The following SUCLG2 variants were observed in gnomAD, a reference collection of about 807,000 sequenced individuals.
The protein encoded by SUCLG2 is succinate--CoA ligase [GDP-forming] subunit beta, mitochondrial.
SUCLG2 carries 42 observed loss-of-function variants against 47.9 expected under a neutral mutation model. The ratio of observed to expected loss-of-function variants is 0.88; its 90% CI spans 0.69 to 1.14. The LOEUF is 1.14. SUCLG2 is among the 50% of genes most tolerant of loss of function. SUCLG2 has a pLI of 0.00. For synonymous variants in SUCLG2, 195 were observed against 197.3 expected (o/e 0.99, Z 0.10); for missense variants, 571 against 525.9 (o/e 1.09, Z -0.84).
chr3:67,432,564 T>G (rs1215628852), intron 9 of SUCLG2, among the ~76,000 whole-genome samples: 1 of 152,234 alleles, frequency 6.6e-6, no homozygotes. Flanking sequence ...GAGCTTCCTT[T>G]TTCTTTACAC....
intron 1 of SUCLG2, among the ~76,000 whole-genome samples, chr3:67,616,248 AG>A (rs1700626599): frequency 6.6e-6 from 1 of 152,210 alleles, no homozygotes; most frequent in South Asian, 2.1e-4. Context: ...CTGAGATCTT[AG>A]GAATAACTCA....
chr3:67,363,483 T>C (rs552441164), intron 10 of SUCLG2, among the ~76,000 whole-genome samples: 1 of 152,286 alleles, frequency 6.6e-6, no homozygotes, highest in East Asian at 1.9e-4. Flanking sequence ...TGATGGTGGC[T>C]AGAAAAACGC....
In SUCLG2 at chr3:67,619,114, A is replaced by G. The variant is rs556510593; in HGVS notation, c.85-9518T>C. ...AGCTTTCAGATTATCCAGAAACTGG[A>G]TCACAGCAGGTTGCTATTTTAGAAT... On this transcript the variant is annotated intron_variant, in intron 1 of 10. Coordinates refer to ENST00000307227, the MANE Select transcript of SUCLG2 (RefSeq NM_003848.4). Among the ~76,000 whole-genome samples, 14 of 152,364 alleles carry G rather than the reference A, an allele frequency of 9.2e-5. No homozygotes were observed. The South Asian group carries it at 2.9e-3, about 32-fold the overall frequency.
chr3:67,462,550 G>A (rs558799913), intron 9 of SUCLG2, among the ~76,000 whole-genome samples: 45 of 152,270 alleles, frequency 3.0e-4, no homozygotes, highest in African/African-American at 1.0e-3. Context: ...TCTGTAGGGC[G>A]GCATGCCCAG....
intron 2 of SUCLG2, among the ~76,000 whole-genome samples, chr3:67,588,335 G>C (rs1708077469): frequency 6.6e-6 from 1 of 152,132 alleles, no homozygotes; most frequent in Admixed American, 6.6e-5. Flanking sequence ...ACTCTAATAT[G>C]CTATTTAATG....
At chr3:67,466,906 C>G (rs1049048549) in intron 9 of SUCLG2, among the ~76,000 whole-genome samples, 2 of 152,188 alleles carry the variant, frequency 1.3e-5, no homozygotes, top group Non-Finnish European at 2.9e-5. Context: ...AGGGAGGCAG[C>G]CATTAGGAAG....
Position 67,446,417 on chromosome 3 carries a change from A to AGT in SUCLG2, c.1063-45567_1063-45566insAC, listed in dbSNP as rs1427470893. On this transcript the variant is annotated intron_variant, in intron 9 of 10. Coordinates refer to ENST00000307227, the MANE Select transcript of SUCLG2 (RefSeq NM_003848.4). Reference sequence around the variant, plus strand: ...GGTATCTAAATATGTACATATGTACATTTTTTTTTTTTTTTTTTTTTTTTT... The same window carrying AGT: ...GGTATCTAAATATGTACATATGTACAGTTTTTTTTTTTTTTTTTTTTTTTTTT... 1.8e-3 allele frequency among the ~76,000 whole-genome samples: 57 copies of AGT among 32,182 alleles called. 12 individuals carry two copies. Among genetic ancestry groups the AGT allele is most frequent in the Admixed American group, 3.1e-3 (5 of 1,628 alleles). The allele number at this position is 32,182 out of a possible 152,430, so 21.1% of individuals were successfully genotyped here.
At chr3:67,367,524 T>C in intron 10 of SUCLG2, among the ~76,000 whole-genome samples, 1 of 152,246 alleles carries the variant, frequency 6.6e-6, no homozygotes, top group Admixed American at 6.5e-5. Flanking sequence ...ATATTTACTA[T>C]AGTAAATTAA....
At chr3:67,452,435 G>A (rs891010364) in intron 9 of SUCLG2, among the ~76,000 whole-genome samples, 2 of 152,170 alleles carry the variant, frequency 1.3e-5, no homozygotes, top group South Asian at 2.1e-4. Flanking sequence ...TTGATTTTAT[G>A]TGAATGAGTG....
chr3:67,432,778 T>A (rs1703519758), intron 9 of SUCLG2, among the ~76,000 whole-genome samples: 1 of 152,216 alleles, frequency 6.6e-6, no homozygotes, highest in Non-Finnish European at 1.5e-5. Context: ...TAGAGAGAAT[T>A]ATCAAATAAT....
intron 10 of SUCLG2, among the ~76,000 whole-genome samples, chr3:67,399,590 A>C (rs1702637527): frequency 6.6e-6 from 1 of 152,196 alleles, no homozygotes; most frequent in Non-Finnish European, 1.5e-5. Flanking sequence ...AGCTTTTCTA[A>C]TATGATGGTG....
rs561344998 is a variant in SUCLG2 at position 67,499,720 on chromosome 3, G to GTTTATTTATTTA, written c.758-1437_758-1426dup. Reference sequence around the variant, plus strand: ...ATGTCATCATAATGTTTGTTTGTTTGTTTATTTATTTATTTATTTATTTAT... The same window carrying GTTTATTTATTTA: ...ATGTCATCATAATGTTTGTTTGTTTGTTTATTTATTTATTTATTTATTTATTTATTTATTTAT... On this transcript the variant is annotated intron_variant, in intron 7 of 10. Coordinates refer to ENST00000307227, the MANE Select transcript of SUCLG2 (RefSeq NM_003848.4). Among the ~76,000 whole-genome samples the GTTTATTTATTTA allele has an allele frequency of 5.4e-3, 809 of 150,856 alleles. 7 individuals are homozygous for GTTTATTTATTTA. The highest frequency in any genetic ancestry group is 0.019 in the African/African-American group (767 of 40,810).
intron 7 of SUCLG2, among the ~76,000 whole-genome samples, chr3:67,502,509 G>A (rs977576854): frequency 4.6e-5 from 7 of 152,156 alleles, no homozygotes; most frequent in African/African-American, 1.7e-4. Context: ...ATCAGAGTAT[G>A]TTCTACTCTA....
At chr3:67,428,282 T>C (rs185569497) in intron 9 of SUCLG2, among the ~76,000 whole-genome samples, 3 of 152,318 alleles carry the variant, frequency 2.0e-5, no homozygotes, top group Admixed American at 6.5e-5. Flanking sequence ...TTTGCCGTTC[T>C]GCAATATTTG....
intron 2 of SUCLG2, among the ~76,000 whole-genome samples, chr3:67,579,711 G>A (rs1707834201): frequency 6.6e-6 from 1 of 152,128 alleles, no homozygotes; most frequent in South Asian, 2.1e-4. Context: ...TCAGGGTGGT[G>A]TTAGAAAAAA....
chr3:67,474,780 C>T (rs1429837101), intron 9 of SUCLG2, among the ~76,000 whole-genome samples: 1 of 152,118 alleles, frequency 6.6e-6, no homozygotes, highest in Admixed American at 6.5e-5. Context: ...ATTCACAATT[C>T]TTACAAGTCT....
chr3:67,491,685 G>C (rs1295368914), intron 9 of SUCLG2, among the ~76,000 whole-genome samples: 1 of 152,110 alleles, frequency 6.6e-6, no homozygotes, highest in African/African-American at 2.4e-5. Flanking sequence ...CTGGCTGGAG[G>C]TTAGATGATA....
intron 4 of SUCLG2, among the ~76,000 whole-genome samples, chr3:67,526,498 TTTC>T (rs1303227568): frequency 1.3e-5 from 2 of 152,136 alleles, no homozygotes; most frequent in African/African-American, 4.8e-5. Flanking sequence ...GGGGATTAAA[TTTC>T]AACATGCATT....
chr3:67,400,672 G>A, intron 10 of SUCLG2, 59 bp downstream of exon 10: 1 of 1,593,176 alleles, frequency 6.3e-7, no homozygotes, highest in African/African-American at 1.4e-5. Context: ...TCCAGAACAT[G>A]CTGGTCACCT....
Sources: allele counts gnomAD v4.1 joint callset (sites outside exome capture counted in the v4.1 genomes callset), GRCh38; gene constraint gnomAD v4.1.1; transcripts MANE v1.5; gene names NCBI Gene and HGNC (gene_info 2026-07-23, HGNC 2026-07-21).